Variants in ACACA observed in about 807,000 individuals in gnomAD.
ACACA encodes the protein acetyl-CoA carboxylase 1.
In ACACA, 103 loss-of-function variants were observed where a neutral mutation model predicts 296.1. The observed-to-expected ratio is 0.35, with a 90% CI of 0.30 to 0.41. The LOEUF (loss-of-function observed/expected upper bound fraction) is 0.41, where lower values mean the gene tolerates loss of function less well. Among genes scored for constraint, ACACA ranks in the 10% least tolerant of loss-of-function variants. The pLI, the probability that ACACA is intolerant of heterozygous loss-of-function variation, is 1.00. For synonymous variants in ACACA, 953 were observed against 1,038.6 expected (o/e 0.92, Z 1.58); for missense variants, 1,554 against 2,989.7 (o/e 0.52, Z 11.20).
At chr17:37,268,696 G>A (rs1598360934) in intron 10 of ACACA, among the ~76,000 whole-genome samples, 1 of 144,474 alleles carries the variant, frequency 6.9e-6, no homozygotes, top group South Asian at 2.2e-4. Context: ...GCCGTAAAAT[G>A]TAATATATCT....
intron 4 of ACACA, 84 bp from the exon 5 acceptor site, chr17:37,283,489 T>C: frequency 6.8e-7 from 1 of 1,472,176 alleles, no homozygotes; most frequent in Non-Finnish European, 9.4e-7. Context: ...AATTTTTACA[T>C]ATCTATCTTT....
chr17:37,222,478 A>G (rs1052743683), intron 28 of ACACA, among the ~76,000 whole-genome samples: 3 of 152,154 alleles, frequency 2.0e-5, no homozygotes, highest in Admixed American at 2.0e-4. Flanking sequence ...AAAAATAAAT[A>G]TAAATTAAAA....
At chr17:37,404,876 C>G (rs1169162349) in intron 1 of ACACA, among the ~76,000 whole-genome samples, 1 of 152,128 alleles carries the variant, frequency 6.6e-6, no homozygotes, top group Non-Finnish European at 1.5e-5. Flanking sequence ...CCGCTCCCAG[C>G]CCACAGTGAT....
At chr17:37,267,138 T>G (rs1300143433) in intron 10 of ACACA, among the ~76,000 whole-genome samples, 16 of 152,232 alleles carry the variant, frequency 1.1e-4, no homozygotes, top group Admixed American at 1.0e-3. Context: ...CTTAGTGACT[T>G]GGTATAGCAA....
chr17:37,316,250 C>T (rs1223390265), intron 3 of ACACA, among the ~76,000 whole-genome samples: 1 of 150,968 alleles, frequency 6.6e-6, no homozygotes, highest in African/African-American at 2.4e-5. Flanking sequence ...AAATGCTAGA[C>T]GTTTCACTGA....
intron 33 of ACACA, among the ~76,000 whole-genome samples, chr17:37,202,962 C>T (rs940666924): frequency 7.1e-6 from 1 of 140,068 alleles, no homozygotes; most frequent in South Asian, 2.3e-4. Flanking sequence ...GAAGAAAATG[C>T]TTTTTTTTTT....
At chr17:37,117,585 G>A (rs988288749) in intron 50 of ACACA, among the ~76,000 whole-genome samples, 3 of 151,932 alleles carry the variant, frequency 2.0e-5, no homozygotes, top group Non-Finnish European at 2.9e-5. Flanking sequence ...GGTCATTGCC[G>A]GTTCGTCTAA....
In ACACA at chr17:37,248,008, T is replaced by C. The variant is rs886608868; in HGVS notation, c.2309+3A>G. On this transcript the variant is annotated splice_donor_region_variant and intron_variant, in intron 18 of 55. Coordinates refer to ENST00000616317, the MANE Select transcript of ACACA (RefSeq NM_198834.3). Reference sequence around the variant, plus strand: ...AGCAAATGGACCTCAAACAGCCACTTACCTATCCACTTCCTCTTTCATATA... The same window carrying C: ...AGCAAATGGACCTCAAACAGCCACTCACCTATCCACTTCCTCTTTCATATA... The C allele has an allele frequency of 4.2e-5, 68 of 1,613,982 alleles. No individual in the cohort carries two copies. Among genetic ancestry groups the C allele is most frequent in the Non-Finnish European group, 5.4e-5 (64 of 1,180,032 alleles).
rs11303351 is a variant in ACACA, at chr17:37,206,155, C to CT, written c.3949-284dup. On this transcript the variant is annotated intron_variant, in intron 32 of 55. Transcript: ENST00000616317. ...GAAGCTGAAGATCACTATGTCTCACCTTTTTTACCAATAAAATGGGGGTGA... is the reference window on the plus strand; with the variant it reads ...GAAGCTGAAGATCACTATGTCTCACCTTTTTTTACCAATAAAATGGGGGTGA... Among the ~76,000 whole-genome samples, 990 of 152,192 alleles carry CT rather than the reference C, an allele frequency of 6.5e-3. 7 individuals carry two copies. The highest frequency in any genetic ancestry group is 0.051 in the Middle Eastern group (15 of 294).
chr17:37,330,545 C>G, intron 2 of ACACA, 120 bp from the exon 3 acceptor site: 1 of 1,281,912 alleles, frequency 7.8e-7, no homozygotes, highest in Non-Finnish European at 1.1e-6. Flanking sequence ...AATTTGAGAA[C>G]TAACTTCCTT....
intron 47 of ACACA, among the ~76,000 whole-genome samples, chr17:37,126,639 C>T (rs1597896654): frequency 6.6e-6 from 1 of 152,180 alleles, no homozygotes; most frequent in African/African-American, 2.4e-5. Context: ...TGGCCCTCCA[C>T]CCCCTAAAAA....
chr17:37,377,260 T>C (rs1292301386), intron 1 of ACACA, among the ~76,000 whole-genome samples: 2 of 152,156 alleles, frequency 1.3e-5, no homozygotes, highest in East Asian at 3.8e-4. Flanking sequence ...ACTTAGTAAA[T>C]TTTCTTAACT....
In ACACA at chr17:37,130,136, G is replaced by A. The variant is rs764143991; in HGVS notation, c.5762C>T (p.Thr1921Ile). 3 of 1,614,200 alleles carry A rather than the reference G, an allele frequency of 1.9e-6. No individual in the cohort carries two copies. Among genetic ancestry groups the A allele is most frequent in the African/African-American group, 2.7e-5 (2 of 75,058 alleles). Reference sequence around the variant, plus strand: ...AACCCCTTCAAAGTCATCACACACAGTGCAGTGGGTCACCCCATTGTTGTG... The same window carrying A: ...AACCCCTTCAAAGTCATCACACACAATGCAGTGGGTCACCCCATTGTTGTG... Reference protein sequence around the residue: ...IMHNNGVTHCTVCDDFEGVFT... With the variant: ...IMHNNGVTHCIVCDDFEGVFT... Residue 1921 changes from threonine (T) to isoleucine (I), a missense_variant, in exon 46 of 56, where the codon ACT (threonine) becomes ATT (isoleucine). Thr to Ile is a moderately conservative substitution (Grantham distance 89). This residue lies in a region of ACACA where 553 missense variants were observed against 1,043.6 expected (regional missense o/e 0.53). Coordinates refer to ENST00000616317, the MANE Select transcript of ACACA (RefSeq NM_198834.3).
intron 14 of ACACA, among the ~76,000 whole-genome samples, chr17:37,256,910 A>G (rs747565314): frequency 6.6e-6 from 1 of 152,180 alleles, no homozygotes; most frequent in Non-Finnish European, 1.5e-5. Flanking sequence ...GGTAAAGGGA[A>G]TGGTATTAAA....
In ACACA at chr17:37,207,749, A is replaced by G. The variant is rs777607221; in HGVS notation, c.3759T>C (p.Ser1253=). ...AGTTGTCCAACAGTACATCGCTGAC[A>G]CTAGCTACATGGGTCATGCCATAGT... ...LNHYGMTHVA[S]VSDVLLDNSF... is the part of the protein sequence containing the mutation. Residue 1253 remains serine, a synonymous_variant, in exon 31 of 56, where the codon AGT becomes AGC. Coordinates refer to ENST00000616317, the MANE Select transcript of ACACA (RefSeq NM_198834.3). The G allele has an allele frequency of 6.2e-7, 1 of 1,613,970 alleles. No individual in the cohort carries two copies. The highest frequency in any genetic ancestry group is 8.5e-7 in the Non-Finnish European group (1 of 1,179,848).
chr17:37,227,758 G>A (rs563398500), intron 25 of ACACA, among the ~76,000 whole-genome samples: 1 of 151,618 alleles, frequency 6.6e-6, no homozygotes, highest in African/African-American at 2.4e-5. Context: ...TACTCAGGAG[G>A]CTGAGGCAGG....
chr17:37,151,458 A>G, intron 43 of ACACA, 37 bp from the exon 44 acceptor site: 1 of 1,611,022 alleles, frequency 6.2e-7, no homozygotes, highest in Non-Finnish European at 8.5e-7. Context: ...TGAATGTTAA[A>G]CACAGTAACA....
chr17:37,386,734 G>C (rs926571691), intron 1 of ACACA, among the ~76,000 whole-genome samples: 1 of 152,084 alleles, frequency 6.6e-6, no homozygotes, highest in Admixed American at 6.6e-5. Flanking sequence ...TTCTGTAGTA[G>C]GTAATTCTAA....
chr17:37,309,822 C>T (rs180796233), intron 3 of ACACA, among the ~76,000 whole-genome samples: 9 of 151,916 alleles, frequency 5.9e-5, no homozygotes, highest in East Asian at 3.9e-4. Flanking sequence ...GAGGTGAAGG[C>T]GAGAGGATCA....
Sources: gnomAD v4.1 joint callset for allele counts (sites outside exome capture counted in the v4.1 genomes callset) on GRCh38, gnomAD v4.1.1 for gene constraint, gnomAD v4.1.1 regional missense constraint, MANE v1.5 for transcripts, NCBI Gene and HGNC (gene_info 2026-07-23, HGNC 2026-07-21) for gene names.